The following PCNT variants were observed in gnomAD, a reference collection of about 807,000 sequenced individuals.
PCNT encodes the protein pericentrin.
A neutral mutation model predicts 380.4 loss-of-function variants in PCNT; 319 were observed. The observed-to-expected ratio is 0.84, with a 90% CI of 0.77 to 0.92. The LOEUF (loss-of-function observed/expected upper bound fraction) is 0.92. Among genes scored for constraint, PCNT ranks in the 40% least tolerant of loss-of-function variants. The pLI is 0.00. For missense variants in PCNT, 4,400 were observed against 4,255.3 expected (o/e 1.03, Z -0.95); for synonymous variants, 1,845 against 1,735.2 (o/e 1.06, Z -1.57).
At chr21:46,441,684 A>G (rs925136374) in intron 43 of PCNT, among the ~76,000 whole-genome samples, 6 of 151,566 alleles carry the variant, frequency 4.0e-5, no homozygotes, top group Admixed American at 3.3e-4. Context: ...CCTTCCACCC[A>G]CCCATCTGTC....
At chr21:46,414,678 CCTCCTCCTGGACACACAGCTGCCCACA>C (rs2086944626) in intron 29 of PCNT, among the ~76,000 whole-genome samples, 3 of 134,538 alleles carry the variant, frequency 2.2e-5, no homozygotes, top group Non-Finnish European at 4.8e-5. Context: ...TGCTCCTCCT[CCTCCTCCTGGACACACAGCTGCCCACA>C]CTCCTCCTCC....
At chr21:46,343,425 T>A (rs772402720) in intron 3 of PCNT, among the ~76,000 whole-genome samples, 1 of 147,544 alleles carries the variant, frequency 6.8e-6, no homozygotes, top group Non-Finnish European at 1.5e-5. Context: ...GTTTATGGGG[T>A]ATATCACATT....
At chr21:46,399,263 C>CGG (rs2086323700) in intron 24 of PCNT, among the ~76,000 whole-genome samples, 1 of 151,910 alleles carries the variant, frequency 6.6e-6, no homozygotes, top group Admixed American at 6.6e-5. Context: ...CCTGTGCAGC[C>CGG]TGTGGGTCTG....
At chr21:46,428,235 C>T (rs1159204408) in intron 34 of PCNT, among the ~76,000 whole-genome samples, 160 bp from the exon 35 acceptor site, 1 of 152,216 alleles carries the variant, frequency 6.6e-6, no homozygotes, top group Non-Finnish European at 1.5e-5. Flanking sequence ...AGCCCTGACG[C>T]CTGCAGGCCC....
Position 46,441,010 on chromosome 21 carries a change from A to G in PCNT, c.9549A>G (p.Lys3183=). ...CCCATTTGGGGGTATTTCCTTCCAA[A>G]GCAGAACGGAAAATCACATCTCGTC... ...MIAHLGVFPS[K]AERKITSRPF... Residue 3183 remains lysine, a synonymous_variant, in exon 43 of 47, where the codon AAA becomes AAG. Transcript: ENST00000359568. 1 of 1,614,186 alleles carries G rather than the reference A, an allele frequency of 6.2e-7. No homozygotes were observed. The highest frequency in any genetic ancestry group is 8.5e-7 in the Non-Finnish European group (1 of 1,180,020).
At chr21:46,391,406 C>T (rs774281622) in intron 21 of PCNT, 30 bp downstream of exon 21, 4 of 1,524,330 alleles carry the variant, frequency 2.6e-6, no homozygotes, top group South Asian at 1.2e-5. Flanking sequence ...GAGGGTGGTG[C>T]GAGCTGTGGG....
In PCNT at chr21:46,349,160, T is replaced by C. The variant is rs200545088; in HGVS notation, c.1181T>C (p.Ile394Thr). 204 of 1,613,836 alleles carry C rather than the reference T, an allele frequency of 1.3e-4. No homozygotes were observed. The highest frequency in any genetic ancestry group is 1.6e-4 in the Non-Finnish European group (184 of 1,179,910). Reference protein sequence around the residue: ...LAEQRAELEKIFQDKNQAERA... With the variant: ...LAEQRAELEKTFQDKNQAERA... ...GAACAGAGAGCTGAGTTGGAGAAGA[T>C]TTTTCAAGACAAAAACCAGGCTGAA... The change falls in exon 7 of 47, where the codon ATT becomes ACT. Residue 394 changes from isoleucine (I) to threonine (T), a missense_variant. Physicochemically the swap from Ile to Thr is moderately conservative, Grantham distance 89. Coordinates refer to ENST00000359568, the MANE Select transcript of PCNT (RefSeq NM_006031.6).
chr21:46,415,803 T>C (rs2087004355), intron 29 of PCNT, among the ~76,000 whole-genome samples: 2 of 152,208 alleles, frequency 1.3e-5, no homozygotes, highest in South Asian at 2.1e-4. Context: ...TGCTCAGATA[T>C]AGAACCTTCC....
At chr21:46,352,965 TC>T in intron 9 of PCNT, 138 bp from the exon 10 acceptor site, 1 of 726,836 alleles carries the variant, frequency 1.4e-6, no homozygotes, top group Non-Finnish European at 2.5e-6. Context: ...GCCGTAGGGG[TC>T]CCTCATCCCT....
At position 46,401,615 on chromosome 21, in the gene PCNT, C is replaced by T. The variant is rs370052973; in HGVS notation, c.4856C>T (p.Thr1619Ile). The T allele has an allele frequency of 6.2e-6, 10 of 1,613,830 alleles. No individual in the cohort carries two copies. Among genetic ancestry groups the T allele is most frequent in the Non-Finnish European group, 6.8e-6 (8 of 1,179,864 alleles). ...SLLLASTLQS[T>I]LDAGRCPEPP... ...CTTCTGGCGTCCACGTTGCAGTCTA[C>T]ACTAGATGCAGGCAGATGTCCCGAG... is the stretch of plus-strand genomic sequence containing the variant. Residue 1619 changes from threonine to isoleucine, a missense_variant, in exon 26 of 47, where the codon ACA becomes ATA. By Grantham distance (89) the Thr-to-Ile change is moderately conservative (BLOSUM62 -1). Coordinates refer to ENST00000359568, the MANE Select transcript of PCNT (RefSeq NM_006031.6).
In PCNT at chr21:46,357,016, T is replaced by C; in HGVS notation, c.1979T>C (p.Leu660Ser). Residue 660 changes from leucine to serine, a missense_variant, in exon 13 of 47, where the codon TTG becomes TCG. Leu to Ser is a moderately radical substitution (Grantham distance 145). Coordinates refer to ENST00000359568, the MANE Select transcript of PCNT (RefSeq NM_006031.6). Reference protein sequence around the residue: ...VHLQGVQDGDLEADTERAARV... With the variant: ...VHLQGVQDGDSEADTERAARV... ...CTCCAGGGTGTGCAGGACGGGGACT[T>C]GGAGGCCGACACAGAGCGGGCAGCC... 1 of 1,614,178 alleles carries C rather than the reference T, an allele frequency of 6.2e-7. No homozygotes were observed.
At chr21:46,368,249 T>C (rs527899222) in intron 15 of PCNT, among the ~76,000 whole-genome samples, 1 of 151,976 alleles carries the variant, frequency 6.6e-6, no homozygotes, top group Non-Finnish European at 1.5e-5. Context: ...ATCGAGACCA[T>C]CCTGGCTAAC....
At chr21:46,332,500 C>T (rs769691659) in intron 2 of PCNT, among the ~76,000 whole-genome samples, 61 of 152,198 alleles carry the variant, frequency 4.0e-4, no homozygotes, top group Non-Finnish European at 7.5e-4. Context: ...TTAGAAGTGT[C>T]CTCTTAAGGA....
At position 46,389,401 on chromosome 21, in the gene PCNT, C is replaced by T. The variant is rs1189912868; in HGVS notation, c.3810C>T (p.Leu1270=). Reference sequence around the variant, plus strand: ...GCCTCAGCCTGGCCGTGGACGGCCTCATGGAGATGGCCCTGGACTCCAGCA... The same window carrying T: ...GCCTCAGCCTGGCCGTGGACGGCCTTATGGAGATGGCCCTGGACTCCAGCA... ...FQSLSLAVDG[L]MEMALDSSRQ... The change falls in exon 19 of 47, where the codon CTC becomes CTT. Residue 1270 remains leucine, a synonymous_variant. Coordinates refer to ENST00000359568, the MANE Select transcript of PCNT (RefSeq NM_006031.6). 2.5e-6 allele frequency: 4 copies of T among 1,614,034 alleles called. No homozygotes were observed. The highest frequency in any genetic ancestry group is 3.4e-6 in the Non-Finnish European group (4 of 1,179,874).
chr21:46,335,422 A>G (rs2083702490), intron 3 of PCNT, among the ~76,000 whole-genome samples: 1 of 152,170 alleles, frequency 6.6e-6, no homozygotes, highest in Admixed American at 6.5e-5. Context: ...TAGGCTGGGC[A>G]CGGTGGCTCA....
intron 29 of PCNT, among the ~76,000 whole-genome samples, chr21:46,414,821 CCCTGCT>C (rs2086954855): frequency 1.4e-5 from 2 of 147,644 alleles, no homozygotes; most frequent in Non-Finnish European, 3.0e-5. Context: ...CAGCCGCCCA[CCCTGCT>C]CCTCCTCCTC....
At position 46,388,958 on chromosome 21, in the gene PCNT, G is replaced by A. The variant is rs1367601019; in HGVS notation, c.3607+74G>A. 6 of 1,530,714 alleles carry A rather than the reference G, an allele frequency of 3.9e-6. No homozygotes were observed. The highest frequency in any genetic ancestry group is 4.4e-6 in the Non-Finnish European group (5 of 1,140,990). The allele number at this position is 1,530,714 out of a possible 1,614,324, so 94.8% of individuals were successfully genotyped here. A position where few individuals can be genotyped will look rare whatever the true frequency, so the allele number is the denominator to read the frequency against. The stretch of plus-strand genomic sequence containing the variant: ...GTGGTCCTGGAGCTCTCTGAGAGGA[G>A]CCTCCGTATTGGGCGATGCCCTTGG... On this transcript the variant is annotated intron_variant, in intron 18 of 46. Transcript: ENST00000359568. The surrounding 1 kb of genome is among the most constrained non-coding windows in gnomAD (Gnocchi z 4.2).
chr21:46,444,383 T>A (rs2053695247), intron 45 of PCNT, among the ~76,000 whole-genome samples: 1 of 152,030 alleles, frequency 6.6e-6, no homozygotes, highest in East Asian at 1.9e-4. Flanking sequence ...GACAAACAGT[T>A]TGGGAAGATC....
chr21:46,417,635 T>C (rs550410883), intron 30 of PCNT, among the ~76,000 whole-genome samples: 1 of 152,352 alleles, frequency 6.6e-6, no homozygotes, highest in South Asian at 2.1e-4. Context: ...ATGGTTGGGC[T>C]CATGCTTGTA....
Sources: gnomAD v4.1 joint callset for allele counts (sites outside exome capture counted in the v4.1 genomes callset) on GRCh38, gnomAD v4.1.1 for gene constraint, Gnocchi (gnomAD v3.1) non-coding constraint, MANE v1.5 for transcripts, NCBI Gene and HGNC (gene_info 2026-07-23, HGNC 2026-07-21) for gene names.